Variants in MMP27 observed in about 807,000 individuals in gnomAD.
MMP27 encodes matrix metallopeptidase 27.
MMP27 carries 51 observed loss-of-function variants against 48.1 expected under a neutral mutation model. The ratio of observed to expected loss-of-function variants is 1.06; its 90% CI spans 0.85 to 1.34. The LOEUF (loss-of-function observed/expected upper bound fraction) is 1.34. Ranked by LOEUF, MMP27 falls within the 40% of genes most tolerant of loss-of-function variation. The probability of loss-of-function intolerance (pLI) is 0.00; values close to 1 mark genes in which losing one functional copy is unlikely to be tolerated. For missense variants in MMP27, 698 were observed against 619.3 expected (o/e 1.13, Z -1.35); for synonymous variants, 229 against 208.9 (o/e 1.10, Z -0.83).
At chr11:102,697,861 CTTG>C (rs1336693801) in intron 4 of MMP27, among the ~76,000 whole-genome samples, 2 of 152,126 alleles carry the variant, frequency 1.3e-5, no homozygotes, top group Admixed American at 6.6e-5. Flanking sequence ...AAAACACAAA[CTTG>C]TTGTACAGCT....
intron 4 of MMP27, among the ~76,000 whole-genome samples, chr11:102,697,912 G>T (rs181496214): frequency 6.6e-6 from 1 of 152,108 alleles, no homozygotes; most frequent in Non-Finnish European, 1.5e-5. Flanking sequence ...AGGGTCATCC[G>T]TATTACTGTC....
At chr11:102,701,973 C>T (rs1475630257) in intron 4 of MMP27, among the ~76,000 whole-genome samples, 2 of 152,150 alleles carry the variant, frequency 1.3e-5, no homozygotes, top group African/African-American at 4.8e-5. Flanking sequence ...AGACACCAGA[C>T]CCAAGGTAAC....
Position 102,705,595 on chromosome 11 carries a change from C to A in MMP27, c.102+18G>T. On this transcript the variant is annotated intron_variant, in intron 1 of 9. Transcript: ENST00000260229. ...GCTTTTTATCAATAGTCATCGATATCATTTATTAAGACAGTACCTGAGCCA... is the reference window on the plus strand; with the variant it reads ...GCTTTTTATCAATAGTCATCGATATAATTTATTAAGACAGTACCTGAGCCA... The A allele has an allele frequency of 7.1e-7, 1 of 1,411,614 alleles. No homozygotes were observed. The allele number at this position is 1,411,614 out of a possible 1,614,324, so 87.4% of individuals were successfully genotyped here.
At chr11:102,705,504 A>G in intron 1 of MMP27, 109 bp downstream of exon 1, 1 of 663,056 alleles carries the variant, frequency 1.5e-6, no homozygotes, top group Non-Finnish European at 2.5e-6. Flanking sequence ...CTTCTCACAA[A>G]AAAGTTCAGG....
Position 102,704,572 on chromosome 11 carries a change from G to T in MMP27, c.306C>A (p.Thr102=), listed in dbSNP as rs2134278637. The change falls in exon 2 of 10, where the codon ACC becomes ACA. Residue 102 remains threonine, a synonymous_variant. Transcript: ENST00000260229. ...GVPDVGQYGY[T]LPGWRKYNLT... is the part of the protein sequence containing the mutation. Reference sequence around the variant, plus strand: ...GGTTGTATTTTCTCCACCCAGGGAGGGTGTAGCCATACTGGCCCACATCAG... The same window carrying T: ...GGTTGTATTTTCTCCACCCAGGGAGTGTGTAGCCATACTGGCCCACATCAG... 2 of 1,614,034 alleles carry T rather than the reference G, an allele frequency of 1.2e-6. No homozygotes were observed. Among genetic ancestry groups the T allele is most frequent in the Middle Eastern group, 1.6e-4 (1 of 6,062 alleles).
chr11:102,697,231 C>T (rs2134267195), intron 4 of MMP27, among the ~76,000 whole-genome samples: 1 of 152,264 alleles, frequency 6.6e-6, no homozygotes, highest in Admixed American at 6.5e-5. Flanking sequence ...AAGCATTTGT[C>T]TATCTAAACA....
chr11:102,695,031 T>C lies in MMP27; in HGVS notation c.969A>G (p.Pro323=), dbSNP rs139886663. ...CAGCTTGCAGATCAGCTGGCAGAGA[T>C]GGCCAGAATGAAGCAATTAATTCAA... ...VEFELIASFW[P]SLPADLQAAY... is the part of the protein sequence containing the mutation. Residue 323 remains proline, a synonymous_variant, in exon 7 of 10, where the codon CCA becomes CCG. Transcript: ENST00000260229. 3 of 1,613,916 alleles carry C rather than the reference T, an allele frequency of 1.9e-6. No individual in the cohort carries two copies. The highest frequency in any genetic ancestry group is 2.7e-5 in the African/African-American group (2 of 74,884).
intron 6 of MMP27, among the ~76,000 whole-genome samples, chr11:102,695,387 C>T (rs1213246324): frequency 6.6e-6 from 1 of 152,166 alleles, no homozygotes; most frequent in Non-Finnish European, 1.5e-5. Context: ...TTTGCCAAAG[C>T]AGCAACACCC....
chr11:102,691,984 T>C lies in MMP27; in HGVS notation c.1324A>G (p.Lys442Glu). Residue 442 changes from lysine to glutamate, a missense_variant, in exon 10 of 10, where the codon AAG becomes GAG. Lys to Glu is a moderately conservative substitution (Grantham distance 56). Transcript: ENST00000260229. Reference protein sequence around the residue: ...KGFFFFSRGSKQFEYDIKTKN... With the variant: ...KGFFFFSRGSEQFEYDIKTKN... ...GTCTTAATGTCGTATTCAAATTGCT[T>C]TGATCCACGGCTGAAAAAGAAGAAT... 1 of 1,608,236 alleles carries C rather than the reference T, an allele frequency of 6.2e-7. No individual in the cohort carries two copies.
intron 8 of MMP27, 152 bp downstream of exon 8, chr11:102,693,754 T>C: frequency 1.7e-6 from 1 of 587,836 alleles, no homozygotes; most frequent in Non-Finnish European, 2.7e-6. Flanking sequence ...CACTACACTC[T>C]AGCCTGGGAG....
At chr11:102,701,331 C>T (rs1008330959) in intron 4 of MMP27, among the ~76,000 whole-genome samples, 3 of 152,156 alleles carry the variant, frequency 2.0e-5, no homozygotes, top group South Asian at 2.1e-4. Flanking sequence ...ACATGTCCCC[C>T]TTGGCAGAGG....
At chr11:102,702,692 T>A in intron 4 of MMP27, 61 bp downstream of exon 4, 2 of 1,527,658 alleles carry the variant, frequency 1.3e-6, no homozygotes, top group Non-Finnish European at 1.8e-6. Context: ...GTTACAAAGC[T>A]ATTCTTTTCA....
At chr11:102,703,812 C>T (rs2134277530) in intron 2 of MMP27, among the ~76,000 whole-genome samples, 1 of 152,312 alleles carries the variant, frequency 6.6e-6, no homozygotes, top group East Asian at 1.9e-4. Context: ...GCATGAGCCA[C>T]CACACCCAGT....
At chr11:102,693,838 T>C in intron 8 of MMP27, 68 bp downstream of exon 8, 1 of 1,317,836 alleles carries the variant, frequency 7.6e-7, no homozygotes. Context: ...TTTGTCTGTG[T>C]CAAAGTGATG....
rs757775448 is a variant in MMP27 at position 102,702,872 on chromosome 11, C to T, written c.500G>A (p.Arg167Gln). Residue 167 changes from arginine to glutamine, a missense_variant, in exon 4 of 10, where the codon CGG (arginine) becomes CAG (glutamine). Arg to Gln is a conservative substitution (Grantham distance 43). Transcript: ENST00000260229. ...MIAFRTRVHG[R>Q]CPRYFDGPLG... ...GGGACCATCAAAATAGCGAGGACAC[C>T]GACCATGGACTGAGATACAATTTAT... 3.4e-5 allele frequency: 55 copies of T among 1,612,854 alleles called. No individual in the cohort carries two copies. Among genetic ancestry groups the T allele is most frequent in the South Asian group, 3.2e-4 (29 of 90,780 alleles).
chr11:102,692,939 T>A lies in MMP27; in HGVS notation c.1296A>T (p.Lys432Asn). Residue 432 changes from lysine to asparagine, a missense_variant and splice_region_variant, in exon 9 of 10, where the codon AAA (lysine) becomes AAT (asparagine). Physicochemically the swap from Lys to Asn is moderately conservative, Grantham distance 94. Transcript: ENST00000260229. Reference protein sequence around the residue: ...SIRVDAAFQYKGFFFFSRGSK... With the variant: ...SIRVDAAFQYNGFFFFSRGSK... ...AATAAGTGAGACATCCATGCTTACC[T>A]TTGTACTGGAAAGCAGCATCAACAC... 1 of 1,611,294 alleles carries A rather than the reference T, an allele frequency of 6.2e-7. No individual in the cohort carries two copies. The highest frequency in any genetic ancestry group is 8.5e-7 in the Non-Finnish European group (1 of 1,177,578).
intron 2 of MMP27, 64 bp downstream of exon 2, chr11:102,704,473 G>C (rs1861006363): frequency 1.6e-6 from 2 of 1,258,822 alleles, no homozygotes; most frequent in Non-Finnish European, 1.1e-6. Context: ...ATATTATTCT[G>C]TTCCTTGGAA....
At chr11:102,701,949 T>C (rs1413508054) in intron 4 of MMP27, among the ~76,000 whole-genome samples, 3 of 152,340 alleles carry the variant, frequency 2.0e-5, no homozygotes, top group South Asian at 2.1e-4. Context: ...TGCTTTCCTG[T>C]GACTCTGGAA....
intron 2 of MMP27, among the ~76,000 whole-genome samples, 177 bp downstream of exon 2, chr11:102,704,360 T>C (rs906296763): frequency 6.6e-6 from 1 of 152,200 alleles, no homozygotes; most frequent in African/African-American, 2.4e-5. Context: ...GTATTTAAGA[T>C]GGTGGTAGCA....
Sources: gnomAD v4.1 joint callset for allele counts (sites outside exome capture counted in the v4.1 genomes callset) on GRCh38, gnomAD v4.1.1 for gene constraint, MANE v1.5 for transcripts, NCBI Gene and HGNC (gene_info 2026-07-23, HGNC 2026-07-21) for gene names.